Variants in OSR1 observed in about 807,000 individuals in gnomAD.
The protein encoded by OSR1 is odd-skipped related transcription factor 1, also known as protein odd-skipped-related 1.
OSR1 carries 3 observed loss-of-function variants against 15.7 expected under a neutral mutation model. The observed-to-expected ratio is 0.19, with a 90% CI of 0.09 to 0.50. The LOEUF is 0.50. Ranked by LOEUF, OSR1 falls within the 20% of genes least tolerant of loss-of-function variation. The pLI is 0.97. For missense variants in OSR1, 271 were observed against 351.1 expected (o/e 0.77, Z 1.82); for synonymous variants, 166 against 152.7 (o/e 1.09, Z -0.64).
chr2:19,345,404 C>G, the OSR1 span, among the ~76,000 whole-genome samples: 1 of 151,834 alleles, frequency 6.6e-6, no homozygotes, highest in Non-Finnish European at 1.5e-5. Context: ...ATGGTAATGC[C>G]TAGGTTTTCT....
chr2:19,353,943 A>G lies in OSR1; in HGVS notation c.-32-106T>C, dbSNP rs1258198898. On this transcript the variant is annotated intron_variant, in intron 1 of 2. Coordinates refer to ENST00000272223, the MANE Select transcript of OSR1 (RefSeq NM_145260.3). ...CGAGCCACACCCTCTCCTCACACCC[A>G]GCGCAGGAGCTAAGAGTCTAAGACC... is the stretch of plus-strand genomic sequence containing the variant. 4.3e-6 allele frequency: 4 copies of G among 923,630 alleles called. No homozygotes were observed. The African/African-American group carries it at 5.0e-5, about 12-fold the overall frequency. The allele number at this position is 923,630 out of a possible 1,614,324, so 57.2% of individuals were successfully genotyped here.
At chr2:19,347,995 A>C (rs1664762255), downstream of OSR1, among the ~76,000 whole-genome samples, 1 of 152,252 alleles carries the variant, frequency 6.6e-6, no homozygotes. Flanking sequence ...CACCGCCGTC[A>C]GCTTCCGGAC....
Position 19,352,157 on chromosome 2 carries a change from T to G in OSR1, c.*118A>C. 1.7e-6 allele frequency: 2 copies of G among 1,193,554 alleles called. No homozygotes were observed. Among genetic ancestry groups the G allele is most frequent in the Non-Finnish European group, 2.3e-6 (2 of 863,662 alleles). The allele number at this position is 1,193,554 out of a possible 1,614,324, so 73.9% of individuals were successfully genotyped here. On this transcript the variant is annotated 3_prime_UTR_variant, in exon 3 of 3. Transcript: ENST00000272223. ...GCGCCAGGGACCCAGGGGACAATGT[T>G]GGAGAGGTGGAAGGTCCCGAGCGAG...
At chr2:19,345,539 A>G in the OSR1 span, among the ~76,000 whole-genome samples, 2 of 152,178 alleles carry the variant, frequency 1.3e-5, no homozygotes, top group Non-Finnish European at 2.9e-5. Context: ...CAGTTTTCCC[A>G]GCACCATTTA....
At chr2:19,348,748 T>C (rs1205051840), downstream of OSR1, among the ~76,000 whole-genome samples, 3 of 151,722 alleles carry the variant, frequency 2.0e-5, no homozygotes, top group Non-Finnish European at 4.4e-5. Flanking sequence ...CCTGAAACAC[T>C]CTCTCCCAGG....
chr2:19,349,396 T>C (rs542611084), downstream of OSR1, among the ~76,000 whole-genome samples: 2 of 152,232 alleles, frequency 1.3e-5, no homozygotes, highest in South Asian at 4.2e-4. Flanking sequence ...CAAACATCAG[T>C]AGAGCAAATA....
At position 19,353,281 on chromosome 2, in the gene OSR1, G is replaced by T; in HGVS notation, c.525C>A (p.Phe175Leu). 1 of 1,614,220 alleles carries T rather than the reference G, an allele frequency of 6.2e-7. No individual in the cohort carries two copies. The highest frequency in any genetic ancestry group is 8.5e-7 in the Non-Finnish European group (1 of 1,180,052). Residue 175 changes from phenylalanine (F) to leucine (L), a missense_variant, in exon 2 of 3, where the codon TTC becomes TTA. Phe to Leu is a conservative substitution (Grantham distance 22, BLOSUM62 0). This residue lies in a region of OSR1 where 32 missense variants were observed against 66.8 expected (regional missense o/e 0.48). Coordinates refer to ENST00000272223, the MANE Select transcript of OSR1 (RefSeq NM_145260.3). Reference sequence around the variant, plus strand: ...AGTGGCGGCCACAGAACTTGCAGACGAATTCCTTCTTGGTCTTGGAAGGCA... The same window carrying T: ...AGTGGCGGCCACAGAACTTGCAGACTAATTCCTTCTTGGTCTTGGAAGGCA... Reference protein sequence around the residue: ...GRLPSKTKKEFVCKFCGRHFT... With the variant: ...GRLPSKTKKELVCKFCGRHFT...
intron 2 of OSR1, 89 bp downstream of exon 2, chr2:19,353,052 C>T: frequency 6.8e-7 from 1 of 1,462,470 alleles, no homozygotes; most frequent in Non-Finnish European, 9.3e-7. Context: ...GGCTTGGAGC[C>T]AGTAGGGGGT....
At position 19,353,400 on chromosome 2, in the gene OSR1, G is replaced by C. The variant is rs374867477; in HGVS notation, c.406C>G (p.Arg136Gly). The C allele has an allele frequency of 1.9e-6, 3 of 1,613,990 alleles. No homozygotes were observed. In the African/African-American group the frequency reaches 4.0e-5, roughly 22 times the overall value. The change falls in exon 2 of 3, where the codon CGC (arginine) becomes GGC (glycine). Residue 136 changes from arginine (R) to glycine (G), a missense_variant. By Grantham distance (125) the Arg-to-Gly change is moderately radical. Coordinates refer to ENST00000272223, the MANE Select transcript of OSR1 (RefSeq NM_145260.3). ...GCAGGGGAGCCTGGGCCCTCCCCGC[G>C]ACCGAGCTTGGCCGGATCTTCTTGC... ...ATQEDPAKLG[R>G]GEGPGSPAGG...
At chr2:19,344,890 C>T in the OSR1 span, among the ~76,000 whole-genome samples, 11 of 152,236 alleles carry the variant, frequency 7.2e-5, no homozygotes, top group African/African-American at 2.4e-4. Flanking sequence ...GAAAGCTTAT[C>T]ATTTTATTCA....
chr2:19,348,632 C>A (rs983040354), downstream of OSR1: 1 of 154,234 alleles, frequency 6.5e-6, no homozygotes, highest in African/African-American at 2.4e-5. Flanking sequence ...ACATTGCGTC[C>A]CTCCCCACAA....
intron 1 of OSR1, chr2:19,355,776 C>G (rs990790499): frequency 6.6e-6 from 1 of 152,256 alleles, no homozygotes; most frequent in African/African-American, 2.4e-5. Flanking sequence ...GCTTCAGCAA[C>G]GGTCATCTCT....
the OSR1 span, among the ~76,000 whole-genome samples, chr2:19,345,443 C>G: frequency 1.3e-5 from 2 of 151,870 alleles, no homozygotes; most frequent in African/African-American, 4.8e-5. Context: ...TTAGGTCTAA[C>G]GTTTAAGTCT....
chr2:19,348,378 T>C (rs1281065887), downstream of OSR1: 2 of 154,302 alleles, frequency 1.3e-5, no homozygotes, highest in Admixed American at 6.5e-5. Context: ...ATCTGTGACG[T>C]CACGAAGTTA....
At chr2:19,350,022 C>T (rs1664805984), downstream of OSR1, among the ~76,000 whole-genome samples, 1 of 152,226 alleles carries the variant, frequency 6.6e-6, no homozygotes. Flanking sequence ...CTCAGAGGCC[C>T]CAGTTCTCAG....
the OSR1 span, among the ~76,000 whole-genome samples, chr2:19,346,455 C>T: frequency 1.3e-5 from 2 of 152,296 alleles, no homozygotes; most frequent in Middle Eastern, 3.4e-3. Flanking sequence ...GACTAGGATG[C>T]TCTAACACAA....
At chr2:19,346,270 T>C in the OSR1 span, among the ~76,000 whole-genome samples, 1 of 152,302 alleles carries the variant, frequency 6.6e-6, no homozygotes, top group Non-Finnish European at 1.5e-5. Context: ...CATCCCTCCA[T>C]CCCATTTTGG....
chr2:19,345,123 G>A, the OSR1 span, among the ~76,000 whole-genome samples: 3 of 152,008 alleles, frequency 2.0e-5, no homozygotes, highest in African/African-American at 7.2e-5. Context: ...CCATCACGGC[G>A]GGAGTTTTTA....
At chr2:19,349,386 C>T (rs115074655), downstream of OSR1, among the ~76,000 whole-genome samples, 366 of 152,290 alleles carry the variant, frequency 2.4e-3, 2 homozygotes, top group Non-Finnish European at 4.2e-3. Context: ...GGGATAACAG[C>T]AAACATCAGT....
Sources: allele counts gnomAD v4.1 joint callset (sites outside exome capture counted in the v4.1 genomes callset), GRCh38; gene constraint gnomAD v4.1.1; regional missense constraint gnomAD v4.1.1; transcripts MANE v1.5; gene names NCBI Gene and HGNC (gene_info 2026-07-23, HGNC 2026-07-21).